The following FAM227A variants were observed in gnomAD, a reference collection of about 807,000 sequenced individuals.
FAM227A encodes protein FAM227A.
Under a neutral mutation model 74.7 loss-of-function variants are expected in FAM227A, and 80 were observed. That is an observed-to-expected ratio of 1.07 (90% CI 0.89 to 1.29). The LOEUF (loss-of-function observed/expected upper bound fraction) is 1.29, where lower values mean the gene tolerates loss of function less well. FAM227A is among the 50% of genes most tolerant of loss of function. The pLI is 0.00. For missense variants in FAM227A, 654 were observed against 683.4 expected, an observed-to-expected ratio of 0.96 and a Z score of 0.48; for synonymous variants, 237 against 241.8, an observed-to-expected ratio of 0.98 and a Z score of 0.19.
At chr22:38,644,103 G>A (rs926365964) in intron 3 of FAM227A, among the ~76,000 whole-genome samples, 4 of 132,184 alleles carry the variant, frequency 3.0e-5, no homozygotes, top group Non-Finnish European at 4.6e-5. Context: ...CCGAGATCAC[G>A]CCACTGCACT....
chr22:38,653,247 T>C (rs912920982), intron 1 of FAM227A, among the ~76,000 whole-genome samples: 2 of 152,204 alleles, frequency 1.3e-5, no homozygotes, highest in African/African-American at 2.4e-5. Flanking sequence ...CACTCCCAGA[T>C]AGACTGTCTA....
chr22:38,591,495 T>A lies in FAM227A; in HGVS notation c.1578A>T (p.Ala526=). The stretch of plus-strand genomic sequence containing the variant: ...CTGAAGGTGGGATGAACATGTGGTT[T>A]GCCTTTTTTGTATCTGCTGCTTTTG... ...IDPKAADTKK[A]NHMFIPPSAV... is the part of the protein sequence containing the mutation. Residue 526 remains alanine, a synonymous_variant, in exon 16 of 17, where the codon GCA becomes GCT. Transcript: ENST00000535113. 1 of 1,549,632 alleles carries A rather than the reference T, an allele frequency of 6.5e-7. No individual in the cohort carries two copies. The highest frequency in any genetic ancestry group is 2.0e-5 in the Admixed American group (1 of 50,410).
chr22:38,630,598 A>G (rs991933217), intron 6 of FAM227A, among the ~76,000 whole-genome samples: 3 of 152,150 alleles, frequency 2.0e-5, no homozygotes, highest in Non-Finnish European at 4.4e-5. Context: ...TTCAGGAAAC[A>G]CTTGACAGGA....
intron 12 of FAM227A, among the ~76,000 whole-genome samples, chr22:38,606,086 T>C (rs535991532): frequency 1.3e-5 from 2 of 152,304 alleles, no homozygotes; most frequent in African/African-American, 4.8e-5. Flanking sequence ...AACCAACTCT[T>C]ATATCTAACT....
chr22:38,645,994 A>G (rs1372906409), intron 2 of FAM227A, among the ~76,000 whole-genome samples: 1 of 152,014 alleles, frequency 6.6e-6, no homozygotes, highest in African/African-American at 2.4e-5. Context: ...CATGTTTCCC[A>G]GGCTGATCTC....
intron 2 of FAM227A, among the ~76,000 whole-genome samples, chr22:38,648,124 G>T (rs1042353837): frequency 3.9e-5 from 6 of 152,064 alleles, no homozygotes; most frequent in Non-Finnish European, 5.9e-5. Context: ...GAGCTGTAAG[G>T]TCCTCCAGAG....
chr22:38,629,142 A>G (rs2091867881), intron 6 of FAM227A: 1 of 474,740 alleles, frequency 2.1e-6, no homozygotes, highest in South Asian at 2.8e-5. Flanking sequence ...CGAGGACCAA[A>G]GTGGCAAGTG....
chr22:38,594,261 T>C (rs1412180151), intron 15 of FAM227A, among the ~76,000 whole-genome samples: 1 of 152,180 alleles, frequency 6.6e-6, no homozygotes, highest in Non-Finnish European at 1.5e-5. Flanking sequence ...CTTGGCTTTA[T>C]GGTCAGTGTG....
At chr22:38,622,742 G>C (rs950260342) in intron 10 of FAM227A, among the ~76,000 whole-genome samples, 8 of 151,884 alleles carry the variant, frequency 5.3e-5, no homozygotes, top group Admixed American at 2.6e-4. Flanking sequence ...TGGGCGTGGT[G>C]GTGGGTGCCT....
intron 13 of FAM227A, among the ~76,000 whole-genome samples, chr22:38,603,608 T>C (rs539586140): frequency 3.3e-5 from 5 of 152,260 alleles, no homozygotes; most frequent in African/African-American, 1.2e-4. Context: ...ACAGAGGCCT[T>C]CTGTGAGTGG....
rs886338007 is a variant in FAM227A at position 38,656,265 on chromosome 22, T to A, written c.-240A>T. 6.6e-6 allele frequency: 1 copy of A among 152,280 alleles called. No individual in the cohort carries two copies. The highest frequency in any genetic ancestry group is 1.5e-5 in the Non-Finnish European group (1 of 68,130). The allele number at this position is 152,280 out of a possible 1,614,324, so 9.4% of individuals were successfully genotyped here. On this transcript the variant is annotated 5_prime_UTR_variant, in exon 1 of 17. Coordinates refer to ENST00000535113, the MANE Select transcript of FAM227A (RefSeq NM_001013647.2). ...GTGCCCTTTGCCTTGTGCTGGGGGA[T>A]GAGGAGGGGAGTTGGGGAGAGGCCC...
chr22:38,595,976 G>C (rs992095085), intron 15 of FAM227A, among the ~76,000 whole-genome samples: 13 of 151,018 alleles, frequency 8.6e-5, no homozygotes, highest in African/African-American at 2.7e-4. Context: ...AATAAGGGGG[G>C]GGGGGCAGGA....
chr22:38,592,264 A>C (rs2090955698), intron 15 of FAM227A, among the ~76,000 whole-genome samples: 1 of 152,136 alleles, frequency 6.6e-6, no homozygotes, highest in Non-Finnish European at 1.5e-5. Flanking sequence ...CTTAAACAAC[A>C]AAAAGTGATG....
At chr22:38,647,544 ATTTC>A (rs796405961) in intron 2 of FAM227A, among the ~76,000 whole-genome samples, 33 of 152,286 alleles carry the variant, frequency 2.2e-4, no homozygotes, top group African/African-American at 5.3e-4. Flanking sequence ...ATTTTAGAGT[ATTTC>A]TTTATGAGAG....
chr22:38,645,019 G>T lies in FAM227A; in HGVS notation c.225+544C>A, dbSNP rs573496650. 1.2e-3 allele frequency among the ~76,000 whole-genome samples: 176 copies of T among 147,772 alleles called. 2 individuals carry two copies. Among genetic ancestry groups the T allele is most frequent in the African/African-American group, 4.1e-3 (163 of 39,778 alleles). On this transcript the variant is annotated intron_variant, in intron 3 of 16. Coordinates refer to ENST00000535113, the MANE Select transcript of FAM227A (RefSeq NM_001013647.2). ...CAGGAAAATCACTTGAAAGGGAGGC[G>T]GAGGTTGCAGTGAGCCAACATCGCA...
chr22:38,636,453 T>C lies in FAM227A; in HGVS notation c.517A>G (p.Lys173Glu). The stretch of plus-strand genomic sequence containing the variant: ...GGCAGGCACTGCTTTTTCCTCACCT[T>C]GCCACTAAGGCAGTCTCTCTCAGCC... ...VRAERDCLSGKHFCSGRELEK... is the reference protein window; with the variant it reads ...VRAERDCLSGEHFCSGRELEK... Residue 173 changes from lysine (K) to glutamate (E), a missense_variant and splice_region_variant, in exon 6 of 17, where the codon AAG becomes GAG. By Grantham distance (56) the Lys-to-Glu change is moderately conservative. Coordinates refer to ENST00000535113, the MANE Select transcript of FAM227A (RefSeq NM_001013647.2). 1 of 1,551,028 alleles carries C rather than the reference T, an allele frequency of 6.4e-7. No individual in the cohort carries two copies. Among genetic ancestry groups the C allele is most frequent in the Non-Finnish European group, 8.7e-7 (1 of 1,146,764 alleles).
intron 7 of FAM227A, 60 bp downstream of exon 7, chr22:38,628,774 A>G: frequency 2.9e-6 from 3 of 1,017,534 alleles, no homozygotes; most frequent in Non-Finnish European, 4.5e-6. Context: ...AAGAGAATGG[A>G]ATTTGTTCTG....
chr22:38,594,709 TC>T (rs1389758072), intron 15 of FAM227A, among the ~76,000 whole-genome samples: 1 of 152,172 alleles, frequency 6.6e-6, no homozygotes, highest in Non-Finnish European at 1.5e-5. Context: ...ATGCCTGTAA[TC>T]CCAGCACTTT....
In FAM227A at chr22:38,625,168, T is replaced by A. The variant is rs542246479; in HGVS notation, c.850+1012A>T. ...ACTTTGGGAGGCCTTGTTGGGCGGA[T>A]GACGAGGTCAGGAGATCAAGACCAT... is the stretch of plus-strand genomic sequence containing the variant. On this transcript the variant is annotated intron_variant, in intron 9 of 16. Coordinates refer to ENST00000535113, the MANE Select transcript of FAM227A (RefSeq NM_001013647.2). Among the ~76,000 whole-genome samples the A allele has an allele frequency of 4.5e-4, 69 of 152,120 alleles. 1 individual carries two copies. Among genetic ancestry groups the A allele is most frequent in the Non-Finnish European group, 2.4e-4 (16 of 67,996 alleles).
Sources: gnomAD v4.1 joint callset for allele counts (sites outside exome capture counted in the v4.1 genomes callset) on GRCh38, gnomAD v4.1.1 for gene constraint, MANE v1.5 for transcripts, NCBI Gene and HGNC (gene_info 2026-07-23, HGNC 2026-07-21) for gene names.